Variants in PDE8B observed in about 807,000 individuals in gnomAD.
The protein encoded by PDE8B is phosphodiesterase 8B.
A neutral mutation model predicts 101.3 loss-of-function variants in PDE8B; 26 were observed. The ratio of observed to expected loss-of-function variants is 0.26; its 90% CI spans 0.19 to 0.36. The LOEUF (loss-of-function observed/expected upper bound fraction) is 0.36, where lower values mean the gene tolerates loss of function less well. Among genes scored for constraint, PDE8B ranks in the 10% least tolerant of loss-of-function variants. The probability of loss-of-function intolerance (pLI) is 1.00; values close to 1 mark genes in which losing one functional copy is unlikely to be tolerated. For missense variants in PDE8B, 810 were observed against 1,163.1 expected, an observed-to-expected ratio of 0.70 and a Z score of 4.42; for synonymous variants, 424 against 429.3, an observed-to-expected ratio of 0.99 and a Z score of 0.15.
At chr5:77,409,510 A>G (rs564110848) in intron 14 of PDE8B, among the ~76,000 whole-genome samples, 3 of 152,274 alleles carry the variant, frequency 2.0e-5, no homozygotes, top group East Asian at 3.9e-4. Flanking sequence ...TAAAGTTTGT[A>G]TAGAAGTTCC....
the PDE8B span, among the ~76,000 whole-genome samples, chr5:77,127,898 C>A: frequency 6.6e-6 from 1 of 152,166 alleles, no homozygotes; most frequent in Non-Finnish European, 1.5e-5. Context: ...AATAGGAGAT[C>A]TGTGAAGGCT....
the PDE8B span, among the ~76,000 whole-genome samples, chr5:77,100,866 A>G: frequency 1.3e-5 from 2 of 152,208 alleles, no homozygotes; most frequent in East Asian, 3.8e-4. Flanking sequence ...GCCAAAGGAA[A>G]AATAAACTTG....
Position 77,211,334 on chromosome 5 carries a change from G to C in PDE8B, c.339+70G>C, listed in dbSNP as rs1165334157. 4.9e-6 allele frequency: 7 copies of C among 1,431,792 alleles called. No homozygotes were observed. The highest frequency in any genetic ancestry group is 6.5e-6 in the Non-Finnish European group (7 of 1,072,184). 88.7% of individuals were successfully genotyped at this position (1,431,792 alleles called of 1,614,324 possible). The stretch of plus-strand genomic sequence containing the variant: ...GTCGGCGGGGCTCGCACGGGTAGGG[G>C]GCTCCGGCGGAGTTGGGTGACCGTG... On this transcript the variant is annotated intron_variant, in intron 1 of 21. Coordinates refer to ENST00000264917, the MANE Select transcript of PDE8B (RefSeq NM_003719.5). This position sits in a 1 kb window ranked among gnomAD's most constrained non-coding sequence, Gnocchi z 4.1.
intron 11 of PDE8B, among the ~76,000 whole-genome samples, chr5:77,401,857 C>G (rs1261976089): frequency 3.3e-5 from 5 of 152,136 alleles, no homozygotes; most frequent in Admixed American, 6.5e-5. Context: ...AACTTTTAAT[C>G]ACTTCTATTG....
At chr5:77,092,786 A>G in the PDE8B span, among the ~76,000 whole-genome samples, 2 of 152,062 alleles carry the variant, frequency 1.3e-5, no homozygotes, top group Non-Finnish European at 2.9e-5. Context: ...CCAGCATGGT[A>G]GCACACATCT....
At chr5:77,140,999 CTG>C in the PDE8B span, 2 of 152,074 alleles carry the variant, frequency 1.3e-5, no homozygotes, top group Non-Finnish European at 2.9e-5. Context: ...AAAATTTTCT[CTG>C]TGTTTCCCTG....
rs1798208664 is a variant in PDE8B at position 77,426,710 on chromosome 5, ATTC to A, written c.*159_*161del. 1.5e-6 allele frequency: 1 copy of A among 667,246 alleles called. No individual in the cohort carries two copies. Among genetic ancestry groups the A allele is most frequent in the African/African-American group, 1.8e-5 (1 of 54,992 alleles). 41.3% of individuals were successfully genotyped at this position (667,246 alleles called of 1,614,324 possible). A position where few individuals can be genotyped will look rare whatever the true frequency, so the allele number is the denominator to read the frequency against. ...TGAATCATTCAAGTCCCCAAATTTC[ATTC>A]TTAGAAAGTTATGTTCCATGAAGAA... On this transcript the variant is annotated 3_prime_UTR_variant, in exon 22 of 22. Transcript: ENST00000264917.
At chr5:77,186,788 A>T in the PDE8B span, among the ~76,000 whole-genome samples, 1 of 152,146 alleles carries the variant, frequency 6.6e-6, no homozygotes, top group Non-Finnish European at 1.5e-5. Context: ...TTTGGCAACT[A>T]TGTGCACCAT....
the PDE8B span, among the ~76,000 whole-genome samples, chr5:77,130,250 A>T: frequency 6.6e-6 from 1 of 152,208 alleles, no homozygotes; most frequent in Non-Finnish European, 1.5e-5. Flanking sequence ...TATCTGCAAA[A>T]GTTGTGTTGA....
At chr5:77,237,221 G>A (rs1026702448) in intron 1 of PDE8B, among the ~76,000 whole-genome samples, 2 of 151,990 alleles carry the variant, frequency 1.3e-5, no homozygotes, top group Admixed American at 6.6e-5. Context: ...AACAATTTCT[G>A]TCTTTTAATT....
At chr5:77,266,282 A>AG (rs1320843113) in intron 1 of PDE8B, among the ~76,000 whole-genome samples, 10 of 152,240 alleles carry the variant, frequency 6.6e-5, no homozygotes, top group African/African-American at 2.2e-4. Context: ...AGATCGAACA[A>AG]GGGGATGTTC....
At chr5:77,152,104 G>C in the PDE8B span, 1 of 152,120 alleles carries the variant, frequency 6.6e-6, no homozygotes, top group Admixed American at 6.5e-5. Context: ...CCCAGGGGTA[G>C]AGCCCAATGC....
intron 1 of PDE8B, among the ~76,000 whole-genome samples, chr5:77,221,949 G>A (rs1158760922): frequency 6.6e-6 from 1 of 152,158 alleles, no homozygotes; most frequent in Non-Finnish European, 1.5e-5. Flanking sequence ...CACCCTGGGG[G>A]TGGAGGCACA....
rs200911393 is a variant in PDE8B, at chr5:77,412,279, A to G, written c.1712+44A>G. On this transcript the variant is annotated intron_variant, in intron 16 of 21. Transcript: ENST00000264917. ...TGAAGGCAGAGCAGGATTGATGGCC[A>G]TGCTCAAACTCTCACATTTGGAAAC... 5.3e-5 allele frequency: 85 copies of G among 1,603,354 alleles called. No homozygotes were observed. In the African/African-American group the frequency reaches 1.1e-3, roughly 21 times the overall value.
At chr5:77,169,046 G>A in the PDE8B span, among the ~76,000 whole-genome samples, 3 of 152,176 alleles carry the variant, frequency 2.0e-5, no homozygotes, top group African/African-American at 7.2e-5. Flanking sequence ...AATCCAAGAA[G>A]CACAAGGACA....
the PDE8B span, among the ~76,000 whole-genome samples, chr5:77,191,585 C>T: frequency 6.6e-6 from 1 of 152,078 alleles, no homozygotes; most frequent in Non-Finnish European, 1.5e-5. Flanking sequence ...AATCTCCTGA[C>T]CTCGTGATCC....
At chr5:77,316,995 C>G (rs1365569096) in intron 2 of PDE8B, among the ~76,000 whole-genome samples, 1 of 152,164 alleles carries the variant, frequency 6.6e-6, no homozygotes, top group Non-Finnish European at 1.5e-5. Context: ...TTCACATGGT[C>G]TCATTCAAAC....
chr5:77,124,720 A>G, the PDE8B span, among the ~76,000 whole-genome samples: 1 of 152,226 alleles, frequency 6.6e-6, no homozygotes, highest in East Asian at 1.9e-4. Flanking sequence ...AACATCCAAA[A>G]TTGAAAATAC....
the PDE8B span, among the ~76,000 whole-genome samples, chr5:77,163,306 A>G: frequency 1.3e-5 from 2 of 152,196 alleles, no homozygotes; most frequent in African/African-American, 2.4e-5. Context: ...TTTGTCTTTC[A>G]GAAGATTTTG....
Sources: allele counts gnomAD v4.1 joint callset (sites outside exome capture counted in the v4.1 genomes callset), GRCh38; gene constraint gnomAD v4.1.1; non-coding constraint Gnocchi (gnomAD v3.1); transcripts MANE v1.5; gene names NCBI Gene and HGNC (gene_info 2026-07-23, HGNC 2026-07-21).